The following STK4 variants were observed in gnomAD, a reference collection of about 807,000 sequenced individuals.
The protein encoded by STK4 is serine/threonine kinase 4.
In STK4, 30 loss-of-function variants were observed where a neutral mutation model predicts 64.9. The ratio of observed to expected loss-of-function variants is 0.46; its 90% CI spans 0.35 to 0.63. The LOEUF (loss-of-function observed/expected upper bound fraction) is 0.63. Ranked by LOEUF, STK4 falls within the 20% of genes least tolerant of loss-of-function variation. The pLI is 0.01. For missense variants in STK4, 466 were observed against 598.5 expected (o/e 0.78, Z 2.31); for synonymous variants, 177 against 199.0 (o/e 0.89, Z 0.93).
intron 10 of STK4, among the ~76,000 whole-genome samples, chr20:45,045,213 TA>T (rs1220019557): frequency 6.6e-6 from 1 of 152,222 alleles, no homozygotes; most frequent in Non-Finnish European, 1.5e-5. Flanking sequence ...TTAATATAGT[TA>T]AAGATGCATT....
At chr20:45,039,927 A>G (rs761473058) in intron 10 of STK4, among the ~76,000 whole-genome samples, 1 of 152,090 alleles carries the variant, frequency 6.6e-6, no homozygotes, top group Non-Finnish European at 1.5e-5. Flanking sequence ...TCTTAAGATT[A>G]ATATGAAAAT....
rs757830486 is a variant in STK4, at chr20:44,981,967, C to G, written c.360+24C>G. ...CGGTAGGTTTACCTTCTAGAACATGCAACTGAGCTAGTTTCTTATGCCATC... is the reference window on the plus strand; with the variant it reads ...CGGTAGGTTTACCTTCTAGAACATGGAACTGAGCTAGTTTCTTATGCCATC... On this transcript the variant is annotated intron_variant, in intron 4 of 10. Transcript: ENST00000372806. The G allele has an allele frequency of 4.0e-5, 60 of 1,493,942 alleles. 2 individuals carry two copies. In the South Asian group the frequency reaches 6.1e-4, roughly 15 times the overall value. The allele number at this position is 1,493,942 out of a possible 1,614,324, so 92.5% of individuals were successfully genotyped here.
chr20:45,007,732 G>T (rs1275568490), intron 9 of STK4: 1 of 391,136 alleles, frequency 2.6e-6, no homozygotes, highest in Non-Finnish European at 5.0e-6. Flanking sequence ...GCTTTTGTTT[G>T]TTCGAAACAA....
At chr20:45,000,153 G>T (rs2067809802) in intron 7 of STK4, among the ~76,000 whole-genome samples, 1 of 152,172 alleles carries the variant, frequency 6.6e-6, no homozygotes, top group Non-Finnish European at 1.5e-5. Flanking sequence ...CGCTAGATTT[G>T]ACAGAGAGAA....
chr20:44,984,477 C>T (rs1412937114), intron 4 of STK4, among the ~76,000 whole-genome samples: 5 of 152,116 alleles, frequency 3.3e-5, no homozygotes, highest in Non-Finnish European at 7.4e-5. Flanking sequence ...GCTGGGATTA[C>T]AGGCGTGAGC....
intron 1 of STK4, among the ~76,000 whole-genome samples, chr20:44,970,786 C>G (rs2067229894): frequency 6.6e-6 from 1 of 152,116 alleles, no homozygotes; most frequent in South Asian, 2.1e-4. Context: ...CTTCTGAGAT[C>G]AGTGTTTATT....
intron 9 of STK4, 118 bp from the exon 10 acceptor site, chr20:45,024,855 T>A (rs1388828047): frequency 9.4e-7 from 1 of 1,064,520 alleles, no homozygotes; most frequent in Admixed American, 4.0e-5. Flanking sequence ...GAGTCCTTTA[T>A]CTAACAGAAA....
intron 10 of STK4, among the ~76,000 whole-genome samples, chr20:45,073,640 CAG>C (rs1002183662): frequency 2.6e-5 from 4 of 152,198 alleles, no homozygotes; most frequent in Non-Finnish European, 5.9e-5. Context: ...TGTGAGCACA[CAG>C]AATAAAGTAT....
At chr20:45,009,382 T>C (rs1022092663) in intron 9 of STK4, among the ~76,000 whole-genome samples, 8 of 152,204 alleles carry the variant, frequency 5.3e-5, no homozygotes, top group African/African-American at 1.7e-4. Context: ...CCTATTCTGT[T>C]CCATTGGTCT....
chr20:45,061,872 C>CTTCT (rs1979049145), intron 10 of STK4, among the ~76,000 whole-genome samples: 2 of 115,114 alleles, frequency 1.7e-5, no homozygotes. Flanking sequence ...TCTTCTTCTT[C>CTTCT]TTTTTTTTTT....
At chr20:45,000,603 GTATTGGATCAACT>G in intron 8 of STK4, 83 bp downstream of exon 8, 2 of 1,576,476 alleles carry the variant, frequency 1.3e-6, no homozygotes, top group Non-Finnish European at 1.7e-6. Flanking sequence ...TGAGTAGGAG[GTATTGGATCAACT>G]TGGAGCTGGA....
chr20:44,999,067 C>CAAAA lies in STK4; in HGVS notation c.832-1316_832-1313dup, dbSNP rs71339807. ...TGGGCAACAGAGCAAGACTCCATCTCAAAAAAAAAAAACAAAGAAAAGGAA... is the reference window on the plus strand; with the variant it reads ...TGGGCAACAGAGCAAGACTCCATCTCAAAAAAAAAAAAAAAACAAAGAAAAGGAA... On this transcript the variant is annotated intron_variant, in intron 7 of 10. Coordinates refer to ENST00000372806, the MANE Select transcript of STK4 (RefSeq NM_006282.5). 3.9e-4 allele frequency among the ~76,000 whole-genome samples: 50 copies of CAAAA among 127,724 alleles called. 1 individual carries two copies. Among genetic ancestry groups the CAAAA allele is most frequent in the East Asian group, 1.8e-3 (8 of 4,488 alleles). The allele number at this position is 127,724 out of a possible 152,430, so 83.8% of individuals were successfully genotyped here. A position where few individuals can be genotyped will look rare whatever the true frequency, so the allele number is the denominator to read the frequency against.
intron 10 of STK4, among the ~76,000 whole-genome samples, chr20:45,074,605 G>C (rs1452358691): frequency 6.6e-6 from 1 of 152,150 alleles, no homozygotes; most frequent in Non-Finnish European, 1.5e-5. Flanking sequence ...GAAAGGCGCT[G>C]TCCAGATAGA....
intron 10 of STK4, among the ~76,000 whole-genome samples, chr20:45,064,436 A>G (rs956122849): frequency 6.6e-6 from 1 of 151,970 alleles, no homozygotes; most frequent in Non-Finnish European, 1.5e-5. Context: ...TTCTGTATGA[A>G]TTTTTAAACT....
chr20:45,035,494 A>C (rs1385847347), intron 10 of STK4, among the ~76,000 whole-genome samples: 1 of 152,094 alleles, frequency 6.6e-6, no homozygotes, highest in Non-Finnish European at 1.5e-5. Flanking sequence ...TTTTAGAGTA[A>C]ATTTCCTATT....
intron 9 of STK4, among the ~76,000 whole-genome samples, chr20:45,011,710 T>TAC (rs1280178828): frequency 3.0e-5 from 3 of 98,466 alleles, no homozygotes; most frequent in African/African-American, 4.3e-5. Context: ...AGAACATACA[T>TAC]ATATATATAT....
chr20:45,021,299 G>A (rs1403468742), intron 9 of STK4, among the ~76,000 whole-genome samples: 1 of 152,140 alleles, frequency 6.6e-6, no homozygotes, highest in African/African-American at 2.4e-5. Context: ...AATTGTGATA[G>A]GAATGCAAAT....
In STK4 at chr20:45,020,281, ATGCAGTTTGGATG is replaced by A. The variant is rs200674265; in HGVS notation, c.1148-4678_1148-4666del. Among the ~76,000 whole-genome samples, 1,169 of 152,328 alleles carry A rather than the reference ATGCAGTTTGGATG, an allele frequency of 7.7e-3. 7 individuals are homozygous for A. The highest frequency in any genetic ancestry group is 0.024 in the Middle Eastern group (7 of 294). On this transcript the variant is annotated intron_variant, in intron 9 of 10. Coordinates refer to ENST00000372806, the MANE Select transcript of STK4 (RefSeq NM_006282.5). ...TCCCCCTCTACTTTATATGGTGGTC[ATGCAGTTTGGATG>A]TGCAGTTTGGATGAGACCATTATGT...
chr20:44,999,054 C>G (rs576019117), intron 7 of STK4, among the ~76,000 whole-genome samples: 4 of 141,654 alleles, frequency 2.8e-5, no homozygotes, highest in Non-Finnish European at 6.1e-5. Context: ...GGCAACAGAG[C>G]AAGACTCCAT....
Sources: allele counts gnomAD v4.1 joint callset (sites outside exome capture counted in the v4.1 genomes callset), GRCh38; gene constraint gnomAD v4.1.1; transcripts MANE v1.5; gene names NCBI Gene and HGNC (gene_info 2026-07-23, HGNC 2026-07-21).